RYR3: variants seen among roughly 807,000 people sequenced by gnomAD.
The protein encoded by RYR3 is brain ryanodine receptor-calcium release channel.
A neutral mutation model predicts 584.3 loss-of-function variants in RYR3; 207 were observed. The ratio of observed to expected loss-of-function variants is 0.35; its 90% CI spans 0.32 to 0.40. The LOEUF (loss-of-function observed/expected upper bound fraction) is 0.40, where lower values mean the gene tolerates loss of function less well. Ranked by LOEUF, RYR3 falls within the 10% of genes least tolerant of loss-of-function variation. The pLI is 1.00. For synonymous variants in RYR3, 2,416 were observed against 2,248.5 expected, an observed-to-expected ratio of 1.07 and a Z score of -2.11; for missense variants, 5,616 against 6,089.2, an observed-to-expected ratio of 0.92 and a Z score of 2.59.
intron 38 of RYR3, among the ~76,000 whole-genome samples, chr15:33,678,438 T>A (rs998856769): frequency 6.6e-6 from 1 of 152,198 alleles, no homozygotes; most frequent in Non-Finnish European, 1.5e-5. Context: ...TCCACCACAA[T>A]TGTAAGTTTT....
intron 2 of RYR3, 45 bp from the exon 3 acceptor site, chr15:33,503,586 T>C: frequency 8.7e-7 from 1 of 1,147,132 alleles, no homozygotes; most frequent in Non-Finnish European, 1.3e-6. Context: ...GACTGATCTC[T>C]GACTGATATG....
chr15:33,359,431 G>T (rs559078211), intron 1 of RYR3, among the ~76,000 whole-genome samples: 1 of 152,008 alleles, frequency 6.6e-6, no homozygotes, highest in East Asian at 1.9e-4. Context: ...TTTCTCAACT[G>T]CACCAGACAC....
rs370757624 is a variant in RYR3 at position 33,836,903 on chromosome 15, T to C, written c.11569-3T>C. The C allele has an allele frequency of 2.4e-4, 380 of 1,612,482 alleles. 1 individual carries two copies. Among genetic ancestry groups the C allele is most frequent in the Non-Finnish European group, 3.1e-4 (361 of 1,179,222 alleles). On this transcript the variant is annotated splice_polypyrimidine_tract_variant and splice_region_variant and intron_variant, in intron 87 of 103. Transcript: ENST00000634891. ...TCAGGGGTATCTCCTGTTTCTGTTC[T>C]AGGATTCCAGTCAGATCGAGCTGCT...
At chr15:33,656,389 G>A (rs1317295092) in intron 32 of RYR3, among the ~76,000 whole-genome samples, 1 of 152,124 alleles carries the variant, frequency 6.6e-6, no homozygotes, top group East Asian at 1.9e-4. Flanking sequence ...GCTCACTGCC[G>A]CCTCCCCATG....
chr15:33,376,734 T>A (rs2040775050), intron 1 of RYR3, among the ~76,000 whole-genome samples: 1 of 152,238 alleles, frequency 6.6e-6, no homozygotes, highest in Admixed American at 6.5e-5. Context: ...TGTTCTCTTC[T>A]AGAAGTTTTA....
At chr15:33,802,071 C>T (rs564664658) in intron 69 of RYR3, 110 bp downstream of exon 69, 1 of 794,966 alleles carries the variant, frequency 1.3e-6, no homozygotes, top group South Asian at 1.3e-5. Flanking sequence ...TTAGGTCAAA[C>T]TACATGACCA....
intron 69 of RYR3, among the ~76,000 whole-genome samples, chr15:33,805,986 C>G (rs1170867849): frequency 6.6e-6 from 1 of 151,778 alleles, no homozygotes; most frequent in Non-Finnish European, 1.5e-5. Context: ...CCATTTCTTC[C>G]TTCCCTCCTG....
chr15:33,670,015 A>C (rs2063747899), intron 37 of RYR3, among the ~76,000 whole-genome samples: 1 of 152,190 alleles, frequency 6.6e-6, no homozygotes, highest in Admixed American at 6.5e-5. Context: ...GGGTAGGTTT[A>C]ATAATATATG....
chr15:33,584,509 C>A lies in RYR3; in HGVS notation c.1669+19C>A. ...TCCTCAGGTGAGAATTGACAGGAAA[C>A]TATAACTAGAAAAGATGAAGGGTTT... On this transcript the variant is annotated intron_variant, in intron 15 of 103. Transcript: ENST00000634891. 1.7e-6 allele frequency: 2 copies of A among 1,154,800 alleles called. No homozygotes were observed. Among genetic ancestry groups the A allele is most frequent in the East Asian group, 2.4e-5 (1 of 41,242 alleles). The allele number at this position is 1,154,800 out of a possible 1,614,324, so 71.5% of individuals were successfully genotyped here.
chr15:33,463,814 G>A (rs746661819), intron 1 of RYR3, among the ~76,000 whole-genome samples: 1 of 152,142 alleles, frequency 6.6e-6, no homozygotes, highest in Non-Finnish European at 1.5e-5. Flanking sequence ...GTTGTAAAGA[G>A]GAATTACAAC....
intron 61 of RYR3, 69 bp from the exon 62 acceptor site, chr15:33,769,043 G>A: frequency 8.5e-7 from 1 of 1,180,886 alleles, no homozygotes; most frequent in South Asian, 1.2e-5. Context: ...TTGTGCATAT[G>A]GAGAAGACTG....
At chr15:33,388,265 A>T (rs2041762905) in intron 1 of RYR3, among the ~76,000 whole-genome samples, 2 of 152,206 alleles carry the variant, frequency 1.3e-5, no homozygotes, top group Admixed American at 1.3e-4. Flanking sequence ...TTCCCAGCAA[A>T]ACTATCAGGC....
chr15:33,793,702 A>G (rs2075302138), intron 67 of RYR3, among the ~76,000 whole-genome samples: 1 of 152,016 alleles, frequency 6.6e-6, no homozygotes, highest in South Asian at 2.1e-4. Context: ...GGTACCCATT[A>G]TAGATATTGA....
rs551310319 is a variant in RYR3 at position 33,686,620 on chromosome 15, CAAA to C, written c.5861-9593_5861-9591del. On this transcript the variant is annotated intron_variant, in intron 38 of 103. Transcript: ENST00000634891. ...CTACCAAAGCCTGGCAGAGACACAA[CAAA>C]AAAAGAGAACTTTAGACCAATACCC... Among the ~76,000 whole-genome samples, 446 of 152,100 alleles carry C rather than the reference CAAA, an allele frequency of 2.9e-3. 1 individual carries two copies. Among genetic ancestry groups the C allele is most frequent in the African/African-American group, 0.01 (421 of 41,526 alleles).
At chr15:33,539,158 A>G (rs1002104296) in intron 5 of RYR3, 192 bp from the exon 6 acceptor site, 11 of 457,804 alleles carry the variant, frequency 2.4e-5, no homozygotes, top group Middle Eastern at 1.0e-3. Context: ...AGGGAAAATG[A>G]AAATGACAGA....
chr15:33,731,711 T>A lies in RYR3; in HGVS notation c.7424+17T>A. The stretch of plus-strand genomic sequence containing the variant: ...CATTTGCAAGTAAGTACATATCCTA[T>A]GTTGTTACTTCTGTGTATGCATCCA... On this transcript the variant is annotated intron_variant, in intron 48 of 103. Coordinates refer to ENST00000634891, the MANE Select transcript of RYR3 (RefSeq NM_001036.6). 6.5e-7 allele frequency: 1 copy of A among 1,532,666 alleles called. No homozygotes were observed. The highest frequency in any genetic ancestry group is 2.3e-5 in the East Asian group (1 of 44,378). 94.9% of individuals were successfully genotyped at this position (1,532,666 alleles called of 1,614,324 possible).
Position 33,819,816 on chromosome 15 carries a change from A to G in RYR3, c.10758+9A>G, listed in dbSNP as rs1179015506. 14 of 1,585,704 alleles carry G rather than the reference A, an allele frequency of 8.8e-6. No homozygotes were observed. The highest frequency in any genetic ancestry group is 1.2e-5 in the Non-Finnish European group (14 of 1,163,040). On this transcript the variant is annotated intron_variant, in intron 77 of 103. Transcript: ENST00000634891. ...CCAGCATGATGGCCAAGGTACACCC[A>G]GGTTTTCTGCCCATTGTCTCTGTCT... is the stretch of plus-strand genomic sequence containing the variant.
chr15:33,764,684 T>C (rs2072848394), intron 60 of RYR3, among the ~76,000 whole-genome samples: 1 of 151,902 alleles, frequency 6.6e-6, no homozygotes, highest in Non-Finnish European at 1.5e-5. Flanking sequence ...AATAAACAGG[T>C]GGACACTGCT....
At chr15:33,720,175 A>G (rs756257242) in intron 43 of RYR3, among the ~76,000 whole-genome samples, 3 of 152,222 alleles carry the variant, frequency 2.0e-5, no homozygotes, top group East Asian at 1.9e-4. Flanking sequence ...CATGCTTACA[A>G]TCTTGGATTT....
Sources: gnomAD v4.1 joint callset for allele counts (sites outside exome capture counted in the v4.1 genomes callset) on GRCh38, gnomAD v4.1.1 for gene constraint, MANE v1.5 for transcripts, NCBI Gene and HGNC (gene_info 2026-07-23, HGNC 2026-07-21) for gene names.